The following ZHX3 variants were observed in gnomAD, a reference collection of about 807,000 sequenced individuals.
ZHX3 encodes the protein zinc fingers and homeoboxes 3.
In ZHX3, 20 loss-of-function variants were observed where a neutral mutation model predicts 64.5. The ratio of observed to expected loss-of-function variants is 0.31; its 90% CI spans 0.22 to 0.45. ZHX3 has a LOEUF of 0.45. ZHX3 is among the 20% of genes least tolerant of loss of function. The pLI, the probability that ZHX3 is intolerant of heterozygous loss-of-function variation, is 1.00. For missense variants in ZHX3, 1,041 were observed against 1,195.8 expected (o/e 0.87, Z 1.91); for synonymous variants, 423 against 461.6 (o/e 0.92, Z 1.07).
chr20:41,302,330 C>G (rs1187099426), intron 1 of ZHX3, among the ~76,000 whole-genome samples: 1 of 152,176 alleles, frequency 6.6e-6, no homozygotes, highest in Non-Finnish European at 1.5e-5. Context: ...GTCTCCCTAG[C>G]CTTTAAGAAG....
intron 1 of ZHX3, among the ~76,000 whole-genome samples, chr20:41,273,843 A>AT (rs1555859403): frequency 6.6e-6 from 1 of 152,164 alleles, no homozygotes; most frequent in Non-Finnish European, 1.5e-5. Flanking sequence ...GCAATTCTAT[A>AT]TGAATTTTAG....
At position 41,228,255 on chromosome 20, in the gene ZHX3, G is replaced by A. The variant is rs2040391747; in HGVS notation, c.-150-23189C>T. On this transcript the variant is annotated intron_variant, in intron 2 of 3. Transcript: ENST00000683867. This position sits in a 1 kb window ranked among gnomAD's most constrained non-coding sequence, Gnocchi z 4.6. Reference sequence around the variant, plus strand: ...AAATCCATTACTTCCAACTGCCATTGATCCCTGCAGGTTTTAAAAAACTAC... The same window carrying A: ...AAATCCATTACTTCCAACTGCCATTAATCCCTGCAGGTTTTAAAAAACTAC... Among the ~76,000 whole-genome samples the A allele has an allele frequency of 6.6e-6, 1 of 152,104 alleles. No individual in the cohort carries two copies. Among genetic ancestry groups the A allele is most frequent in the African/African-American group, 2.4e-5 (1 of 41,410 alleles).
intron 2 of ZHX3, among the ~76,000 whole-genome samples, chr20:41,221,385 C>T (rs2039935289): frequency 6.6e-6 from 1 of 152,126 alleles, no homozygotes; most frequent in African/African-American, 2.4e-5. Context: ...AATACAATAC[C>T]TGCTTGTTTC....
rs2038350113 is a variant in ZHX3 at position 41,202,783 on chromosome 20, G to A, written c.2134C>T (p.Pro712Ser). 1 of 1,613,926 alleles carries A rather than the reference G, an allele frequency of 6.2e-7. No homozygotes were observed. Among genetic ancestry groups the A allele is most frequent in the Non-Finnish European group, 8.5e-7 (1 of 1,180,012 alleles). ...VSGENGSLEM[P>S]SSHILAERKV... is the part of the protein sequence containing the mutation. ...CGCTCTGCCAAGATATGGCTGCTGG[G>A]CATTTCCAGAGAGCCATTTTCACCA... is the stretch of plus-strand genomic sequence containing the variant. The change falls in exon 3 of 4, where the codon CCC (proline) becomes TCC (serine). Residue 712 changes from proline (P) to serine (S), a missense_variant. This residue lies in a region of ZHX3 where 649 missense variants were observed against 739.8 expected (regional missense o/e 0.88). Transcript: ENST00000683867. This position sits in a 1 kb window ranked among gnomAD's most constrained non-coding sequence, Gnocchi z 7.0.
chr20:41,285,366 AG>A (rs1404868029), intron 1 of ZHX3, among the ~76,000 whole-genome samples: 2 of 152,224 alleles, frequency 1.3e-5, no homozygotes, highest in African/African-American at 4.8e-5. Context: ...TTCAGATTCC[AG>A]AGGAAATAAT....
At chr20:41,197,430 TA>T (rs931979971) in intron 3 of ZHX3, among the ~76,000 whole-genome samples, 15 of 148,004 alleles carry the variant, frequency 1.0e-4, no homozygotes, top group African/African-American at 1.7e-4. Context: ...AAAATATATA[TA>T]TTTTTTTTCT....
intron 2 of ZHX3, among the ~76,000 whole-genome samples, chr20:41,250,574 T>C (rs1365751891): frequency 1.3e-5 from 2 of 151,982 alleles, no homozygotes; most frequent in African/African-American, 2.4e-5. Flanking sequence ...AAAGATCCAA[T>C]ATTCATATTA....
At chr20:41,196,398 T>TA (rs1454729524) in intron 3 of ZHX3, among the ~76,000 whole-genome samples, 7 of 40,136 alleles carry the variant, frequency 1.7e-4, no homozygotes, top group African/African-American at 3.6e-4. Flanking sequence ...TATATTTATA[T>TA]ATATTATATA....
chr20:41,300,124 G>C (rs1287298487), intron 1 of ZHX3: 1 of 152,162 alleles, frequency 6.6e-6, no homozygotes, highest in East Asian at 1.9e-4. Context: ...GAATGTTAGT[G>C]CTCATCACCA....
chr20:41,282,122 G>A (rs1022753277), intron 1 of ZHX3, among the ~76,000 whole-genome samples: 1 of 151,984 alleles, frequency 6.6e-6, no homozygotes, highest in East Asian at 1.9e-4. Flanking sequence ...AGATGAAGAA[G>A]ACCAGAAAAT....
At position 41,214,390 on chromosome 20, in the gene ZHX3, C is replaced by T. The variant is rs190385691; in HGVS notation, c.-150-9324G>A. Among the ~76,000 whole-genome samples, 4 of 152,340 alleles carry T rather than the reference C, an allele frequency of 2.6e-5. No individual in the cohort carries two copies. In the East Asian group the frequency reaches 7.7e-4, roughly 29 times the overall value. On this transcript the variant is annotated intron_variant, in intron 2 of 3. Coordinates refer to ENST00000683867, the MANE Select transcript of ZHX3 (RefSeq NM_001384317.1). The stretch of plus-strand genomic sequence containing the variant: ...CAGTGACTGCCTGGAGCGCACACAA[C>T]TGGGAGACGACAGAAGCTGAATAAG...
chr20:41,224,911 T>G lies in ZHX3; in HGVS notation c.-150-19845A>C, dbSNP rs2040165413. ...TTTCTTTCATAACATTTATCAAAAT[T>G]TGTCTGGATCTTCATCTGATTCTTT... On this transcript the variant is annotated intron_variant, in intron 2 of 3. Transcript: ENST00000683867. This position sits in a 1 kb window ranked among gnomAD's most constrained non-coding sequence, Gnocchi z 5.2. Among the ~76,000 whole-genome samples, 1 of 152,246 alleles carries G rather than the reference T, an allele frequency of 6.6e-6. No homozygotes were observed. The highest frequency in any genetic ancestry group is 6.5e-5 in the Admixed American group (1 of 15,288).
chr20:41,191,749 G>C (rs1032352203), intron 3 of ZHX3, among the ~76,000 whole-genome samples: 2 of 152,200 alleles, frequency 1.3e-5, no homozygotes, highest in African/African-American at 2.4e-5. Context: ...GTCTCTGTAT[G>C]ATTTCTTTGG....
At chr20:41,299,242 T>C (rs1270094444) in intron 1 of ZHX3, among the ~76,000 whole-genome samples, 3 of 152,174 alleles carry the variant, frequency 2.0e-5, no homozygotes, top group Non-Finnish European at 4.4e-5. Flanking sequence ...TAAAGGTAAA[T>C]AACAACTCTA....
intron 1 of ZHX3, among the ~76,000 whole-genome samples, chr20:41,291,744 CAATT>C (rs1291303187): frequency 6.6e-6 from 1 of 151,386 alleles, no homozygotes; most frequent in East Asian, 1.9e-4. Context: ...TATGGGCCAT[CAATT>C]AAAAGTAAAG....
At chr20:41,190,274 A>G (rs1417099621) in intron 3 of ZHX3, among the ~76,000 whole-genome samples, 1 of 152,212 alleles carries the variant, frequency 6.6e-6, no homozygotes, top group Non-Finnish European at 1.5e-5. Flanking sequence ...TCCTGGGTTC[A>G]AGCAATTCTC....
chr20:41,194,468 G>A (rs2037315722), intron 3 of ZHX3, among the ~76,000 whole-genome samples: 1 of 152,066 alleles, frequency 6.6e-6, no homozygotes, highest in Admixed American at 6.6e-5. Context: ...GCTGAATTTG[G>A]CTTGCTATTT....
intron 3 of ZHX3, among the ~76,000 whole-genome samples, chr20:41,197,999 C>CTTTTTTTTTTTT (rs11478855): frequency 9.1e-6 from 1 of 110,396 alleles, no homozygotes; most frequent in Admixed American, 9.9e-5. Context: ...AACTAGTGCT[C>CTTTTTTTTTTTT]TTTTTTTTTT....
chr20:41,278,445 A>G (rs930415741), intron 1 of ZHX3, among the ~76,000 whole-genome samples: 2 of 141,008 alleles, frequency 1.4e-5, no homozygotes, highest in Non-Finnish European at 3.1e-5. Context: ...GCACATGCAC[A>G]ATTTTAACCA....
Sources: allele counts gnomAD v4.1 joint callset (sites outside exome capture counted in the v4.1 genomes callset), GRCh38; gene constraint gnomAD v4.1.1; regional missense constraint gnomAD v4.1.1; non-coding constraint Gnocchi (gnomAD v3.1); transcripts MANE v1.5; gene names NCBI Gene and HGNC (gene_info 2026-07-23, HGNC 2026-07-21).